The following PRKCA variants were observed in gnomAD, a reference collection of about 807,000 sequenced individuals.
PRKCA encodes the protein protein kinase C alpha.
Under a neutral mutation model 87.0 loss-of-function variants are expected in PRKCA, and 27 were observed. That is an observed-to-expected ratio of 0.31 (90% confidence interval 0.23 to 0.43). The LOEUF (loss-of-function observed/expected upper bound fraction) is 0.43, where lower values mean the gene tolerates loss of function less well. Ranked by LOEUF, PRKCA falls within the 20% of genes least tolerant of loss-of-function variation. The pLI, the probability that PRKCA is intolerant of heterozygous loss-of-function variation, is 1.00. For synonymous variants in PRKCA, 329 were observed against 311.1 expected (o/e 1.06, Z -0.61); for missense variants, 518 against 852.3 (o/e 0.61, Z 4.88).
At chr17:66,548,250 G>T (rs372445962) in intron 3 of PRKCA, among the ~76,000 whole-genome samples, 1 of 152,098 alleles carries the variant, frequency 6.6e-6, no homozygotes, top group Non-Finnish European at 1.5e-5. Flanking sequence ...TGAGATGATG[G>T]TGAAGGCCAC....
intron 2 of PRKCA, among the ~76,000 whole-genome samples, chr17:66,425,891 A>G (rs559829613): frequency 6.6e-6 from 1 of 152,214 alleles, no homozygotes; most frequent in South Asian, 2.1e-4. Flanking sequence ...GTTGCATGCC[A>G]GGTATGGTGT....
intron 5 of PRKCA, among the ~76,000 whole-genome samples, chr17:66,659,719 T>C (rs568290556): frequency 7.5e-6 from 1 of 133,774 alleles, no homozygotes; most frequent in Non-Finnish European, 1.6e-5. Context: ...CCAGCCTGGG[T>C]AGCAGAGTGA....
intron 2 of PRKCA, among the ~76,000 whole-genome samples, chr17:66,316,915 G>T (rs76932180): frequency 0.1 from 15,241 of 152,096 alleles, 1,092 homozygotes; most frequent in East Asian, 0.22. Context: ...GGCCAAGGCA[G>T]GCAGATCATG....
At chr17:66,564,359 A>G (rs1379997091) in intron 3 of PRKCA, among the ~76,000 whole-genome samples, 3 of 152,152 alleles carry the variant, frequency 2.0e-5, no homozygotes, top group Non-Finnish European at 4.4e-5. Context: ...GATTATAGGT[A>G]TGAGCCACTG....
intron 2 of PRKCA, among the ~76,000 whole-genome samples, chr17:66,421,943 A>G (rs776473792): frequency 9.9e-5 from 15 of 152,024 alleles, no homozygotes; most frequent in Non-Finnish European, 1.6e-4. Flanking sequence ...AAACAGCAGA[A>G]GTTTATTTTT....
chr17:66,647,618 G>T (rs1459188488), intron 5 of PRKCA, among the ~76,000 whole-genome samples: 1 of 152,206 alleles, frequency 6.6e-6, no homozygotes, highest in Non-Finnish European at 1.5e-5. Context: ...AAACTGCATA[G>T]AGAGCACAGA....
intron 2 of PRKCA, among the ~76,000 whole-genome samples, chr17:66,494,588 A>G (rs1315642940): frequency 2.0e-5 from 3 of 152,212 alleles, no homozygotes; most frequent in Non-Finnish European, 2.9e-5. Flanking sequence ...CCAAATTTCA[A>G]CATGGGTTTC....
chr17:66,423,438 A>G (rs898455956), intron 2 of PRKCA, among the ~76,000 whole-genome samples: 1 of 152,336 alleles, frequency 6.6e-6, no homozygotes, highest in Middle Eastern at 3.4e-3. Context: ...TCAAATTTTT[A>G]TCTATAAACA....
At chr17:66,550,441 A>G (rs897715146) in intron 3 of PRKCA, among the ~76,000 whole-genome samples, 3 of 152,190 alleles carry the variant, frequency 2.0e-5, no homozygotes. Context: ...ACCTGAGTTC[A>G]GGAGCTCAAG....
intron 5 of PRKCA, among the ~76,000 whole-genome samples, chr17:66,681,470 G>A (rs867814905): frequency 2.0e-5 from 3 of 152,102 alleles, no homozygotes; most frequent in East Asian, 3.8e-4. Context: ...TGGTGACGGC[G>A]AAGATGATAA....
At chr17:66,660,344 A>G (rs1325577472) in intron 5 of PRKCA, among the ~76,000 whole-genome samples, 2 of 152,168 alleles carry the variant, frequency 1.3e-5, no homozygotes, top group African/African-American at 4.8e-5. Context: ...AACATCTCCT[A>G]ACTTCCTTGC....
intron 8 of PRKCA, among the ~76,000 whole-genome samples, chr17:66,691,134 C>T (rs535253248): frequency 6.6e-6 from 1 of 152,258 alleles, no homozygotes; most frequent in South Asian, 2.1e-4. Flanking sequence ...AAGTGAGACC[C>T]TGACTCAAGA....
chr17:66,517,405 C>G (rs954503669), intron 3 of PRKCA, among the ~76,000 whole-genome samples: 1 of 152,198 alleles, frequency 6.6e-6, no homozygotes, highest in East Asian at 1.9e-4. Flanking sequence ...CCACCTCCTG[C>G]GTGCCTCTTT....
rs765889045 is a variant in PRKCA, at chr17:66,368,364, G to GTA, written c.205+62259_205+62260dup. Among the ~76,000 whole-genome samples, 176 of 44,514 alleles carry GTA rather than the reference G, an allele frequency of 4.0e-3. 2 individuals carry two copies. Among genetic ancestry groups the GTA allele is most frequent in the African/African-American group, 0.012 (150 of 12,026 alleles). The allele number at this position is 44,514 out of a possible 152,430, so 29.2% of individuals were successfully genotyped here. A position where few individuals can be genotyped will look rare whatever the true frequency, so the allele number is the denominator to read the frequency against. ...TGTGTGTGTGTGTGTGTGTGTATATGTATATATATATATATATATATATTT... is the reference window on the plus strand; with the variant it reads ...TGTGTGTGTGTGTGTGTGTGTATATGTATATATATATATATATATATATATTT... On this transcript the variant is annotated intron_variant, in intron 2 of 16. Coordinates refer to ENST00000413366, the MANE Select transcript of PRKCA (RefSeq NM_002737.3).
At chr17:66,770,563 T>A (rs1463287417) in intron 13 of PRKCA, among the ~76,000 whole-genome samples, 1 of 152,212 alleles carries the variant, frequency 6.6e-6, no homozygotes, top group Non-Finnish European at 1.5e-5. Flanking sequence ...CCAGCCAAGA[T>A]CAGCAATGCC....
chr17:66,493,715 T>C (rs1056996674), intron 2 of PRKCA, among the ~76,000 whole-genome samples: 1 of 152,122 alleles, frequency 6.6e-6, no homozygotes, highest in African/African-American at 2.4e-5. Flanking sequence ...TAATAATGCA[T>C]GTGAAGGGAC....
At chr17:66,448,321 A>G (rs1395622330) in intron 2 of PRKCA, among the ~76,000 whole-genome samples, 1 of 152,144 alleles carries the variant, frequency 6.6e-6, no homozygotes, top group Non-Finnish European at 1.5e-5. Flanking sequence ...GTTAAAGGGA[A>G]TGATGAATTT....
In PRKCA at chr17:66,437,731, T is replaced by TTTTTTTTTGGGG. The variant is rs55779501; in HGVS notation, c.206-58470_206-58469insTTTTTTTTGGGG. 1.5e-3 allele frequency among the ~76,000 whole-genome samples: 17 copies of TTTTTTTTTGGGG among 11,156 alleles called. 1 individual carries two copies. Among genetic ancestry groups the TTTTTTTTTGGGG allele is most frequent in the South Asian group, 2.6e-3 (1 of 378 alleles). 7.3% of individuals were successfully genotyped at this position (11,156 alleles called of 152,430 possible). A position where few individuals can be genotyped will look rare whatever the true frequency, so the allele number is the denominator to read the frequency against. ...TTGTTTCAAGTTTCCTTTTTTTTTT[T>TTTTTTTTTGGGG]GAGCGGGGGGTGGGTGGGGCGGGGG... On this transcript the variant is annotated intron_variant, in intron 2 of 16. Coordinates refer to ENST00000413366, the MANE Select transcript of PRKCA (RefSeq NM_002737.3).
intron 2 of PRKCA, among the ~76,000 whole-genome samples, chr17:66,319,451 T>C (rs9890911): frequency 0.59 from 89,472 of 151,950 alleles, 26,424 homozygotes; most frequent in South Asian, 0.64. Context: ...AAGCACGTTA[T>C]TAACTTTGGC....
Sources: allele counts gnomAD v4.1 joint callset (sites outside exome capture counted in the v4.1 genomes callset), GRCh38; gene constraint gnomAD v4.1.1; transcripts MANE v1.5; gene names NCBI Gene and HGNC (gene_info 2026-07-23, HGNC 2026-07-21).